MPP2: variants seen among roughly 807,000 people sequenced by gnomAD.
MPP2 encodes MAGUK p55 subfamily member 2.
In MPP2, 42 loss-of-function variants were observed where a neutral mutation model predicts 58.5. That is an observed-to-expected ratio of 0.72 (90% CI 0.56 to 0.93). The LOEUF (loss-of-function observed/expected upper bound fraction) is 0.93, where lower values mean the gene tolerates loss of function less well. Ranked by LOEUF, MPP2 falls within the 40% of genes least tolerant of loss-of-function variation. MPP2 has a pLI of 0.00. For missense variants in MPP2, 632 were observed against 760.4 expected, an observed-to-expected ratio of 0.83 and a Z score of 1.99; for synonymous variants, 300 against 307.8, an observed-to-expected ratio of 0.97 and a Z score of 0.26.
At chr17:43,884,373 T>C (rs2047276129) in intron 3 of MPP2, among the ~76,000 whole-genome samples, 1 of 152,190 alleles carries the variant, frequency 6.6e-6, no homozygotes, top group African/African-American at 2.4e-5. Flanking sequence ...ATTTGTTGTT[T>C]TGTTTTTTTT....
At chr17:43,897,223 T>G (rs2047881912) in intron 3 of MPP2, among the ~76,000 whole-genome samples, 1 of 152,222 alleles carries the variant, frequency 6.6e-6, no homozygotes, top group East Asian at 1.9e-4. Flanking sequence ...GGCTCATGCC[T>G]GTAATCCCAG....
intron 1 of MPP2, chr17:43,907,261 A>G: frequency 4.1e-6 from 4 of 985,026 alleles, no homozygotes; most frequent in Non-Finnish European, 4.8e-6. Flanking sequence ...GGCGGGGACC[A>G]GTGTCAATGG....
intron 1 of MPP2, 64 bp from the exon 2 acceptor site, chr17:43,904,557 A>G: frequency 6.9e-7 from 1 of 1,451,492 alleles, no homozygotes; most frequent in South Asian, 1.2e-5. Context: ...GGGAATAGGA[A>G]GAGCCTCCCC....
At chr17:43,886,734 G>C (rs574010108) in intron 3 of MPP2, among the ~76,000 whole-genome samples, 1 of 152,108 alleles carries the variant, frequency 6.6e-6, no homozygotes, top group Non-Finnish European at 1.5e-5. Context: ...CCAGAGTGTT[G>C]ATCAAACATT....
At chr17:43,897,830 ATC>A (rs1228875571) in intron 3 of MPP2, among the ~76,000 whole-genome samples, 3 of 152,308 alleles carry the variant, frequency 2.0e-5, no homozygotes, top group South Asian at 4.1e-4. Flanking sequence ...TGCATAGTGT[ATC>A]CACCTCTATC....
intron 3 of MPP2, among the ~76,000 whole-genome samples, chr17:43,894,115 A>C (rs2047719319): frequency 6.6e-6 from 1 of 151,152 alleles, no homozygotes; most frequent in Non-Finnish European, 1.5e-5. Flanking sequence ...TCTACTAAAA[A>C]AAAAAAAAAA....
At chr17:43,906,154 A>G (rs2048278686) in intron 1 of MPP2, 1 of 983,746 alleles carries the variant, frequency 1.0e-6, no homozygotes, top group Non-Finnish European at 1.2e-6. Flanking sequence ...CTCCTTCCCT[A>G]GAGCGTGGAG....
intron 2 of MPP2, chr17:43,900,445 C>T: frequency 6.5e-7 from 1 of 1,544,442 alleles, no homozygotes; most frequent in Non-Finnish European, 8.8e-7. Flanking sequence ...AGCTGCCCCG[C>T]CCCCATCTGG....
intron 4 of MPP2, 68 bp downstream of exon 4, chr17:43,883,135 A>C: frequency 1.3e-6 from 2 of 1,555,410 alleles, no homozygotes; most frequent in African/African-American, 2.7e-5. Context: ...CTGCTGGCCC[A>C]TCCAACAGCA....
In MPP2 at chr17:43,898,388, A is replaced by G. The variant is rs753491805; in HGVS notation, c.32-8T>C. Reference sequence around the variant, plus strand: ...CCAGGACTTGCTGCATGGCTGGGGGAAGGTACGGGCAGTGAGATACACAGG... The same window carrying G: ...CCAGGACTTGCTGCATGGCTGGGGGGAGGTACGGGCAGTGAGATACACAGG... On this transcript the variant is annotated splice_region_variant and splice_polypyrimidine_tract_variant and intron_variant, in intron 2 of 12. Transcript: ENST00000269095. The G allele has an allele frequency of 1.2e-6, 2 of 1,606,526 alleles. No individual in the cohort carries two copies. The highest frequency in any genetic ancestry group is 1.7e-6 in the Non-Finnish European group (2 of 1,173,384).
At position 43,880,628 on chromosome 17, in the gene MPP2, G is replaced by C. The variant is rs1365491604; in HGVS notation, c.1150+63C>G. 6.5e-7 allele frequency: 1 copy of C among 1,530,248 alleles called. No homozygotes were observed. Among genetic ancestry groups the C allele is most frequent in the African/African-American group, 1.4e-5 (1 of 72,752 alleles). The allele number at this position is 1,530,248 out of a possible 1,614,324, so 94.8% of individuals were successfully genotyped here. ...TGAAGATGCCCATTCGGTGGGCCCA[G>C]CCCTGGCCCCAGGGGAGCCCTGCTC... is the stretch of plus-strand genomic sequence containing the variant. On this transcript the variant is annotated intron_variant, in intron 10 of 12. Coordinates refer to ENST00000269095, the MANE Select transcript of MPP2 (RefSeq NM_005374.5). The surrounding 1 kb of genome is among the most constrained non-coding windows in gnomAD (Gnocchi z 5.2).
intron 2 of MPP2, chr17:43,900,715 G>T: frequency 1.5e-6 from 2 of 1,301,366 alleles, no homozygotes; most frequent in Non-Finnish European, 2.0e-6. Flanking sequence ...TTGCTGATTG[G>T]CTAAAGCCCT....
chr17:43,899,082 C>T (rs2143748966), intron 2 of MPP2, among the ~76,000 whole-genome samples: 1 of 152,086 alleles, frequency 6.6e-6, no homozygotes, highest in Admixed American at 6.5e-5. Context: ...CCTGTCTCTA[C>T]TAAAAATACA....
At position 43,881,540 on chromosome 17, in the gene MPP2, A is replaced by ATG. The variant is rs777387671; in HGVS notation, c.729_730dup (p.Ile244ThrfsTer20). On this transcript the variant is annotated frameshift_variant, in exon 7 of 13. Coordinates refer to ENST00000269095, the MANE Select transcript of MPP2 (RefSeq NM_005374.5). LOFTEE classifies it high-confidence loss of function. ...GCGCAGGCCTGCTTCCTTGCAGGGG[A>ATG]TGAGGCTGTCTCGGGCCGGGTCATA... The ATG allele has an allele frequency of 6.2e-7, 1 of 1,613,934 alleles. No homozygotes were observed. The highest frequency in any genetic ancestry group is 8.5e-7 in the Non-Finnish European group (1 of 1,179,932).
chr17:43,906,462 AC>A (rs1276159441), intron 1 of MPP2, among the ~76,000 whole-genome samples: 2 of 152,226 alleles, frequency 1.3e-5, no homozygotes, highest in African/African-American at 4.8e-5. Context: ...CGAGATATCC[AC>A]ATCACCCATA....
chr17:43,906,835 A>AC (rs1054023279), intron 1 of MPP2, among the ~76,000 whole-genome samples: 8 of 146,256 alleles, frequency 5.5e-5, no homozygotes, highest in African/African-American at 1.8e-4. Flanking sequence ...GCCCCGGCCA[A>AC]CCCCCACCCC....
chr17:43,885,533 C>T (rs1466382144), intron 3 of MPP2, among the ~76,000 whole-genome samples: 1 of 152,140 alleles, frequency 6.6e-6, no homozygotes, highest in African/African-American at 2.4e-5. Context: ...ACTAATGGCT[C>T]CAAATAAAAT....
At chr17:43,904,310 G>T in intron 2 of MPP2, 120 bp downstream of exon 2, 1 of 851,254 alleles carries the variant, frequency 1.2e-6, no homozygotes. Context: ...TGAGTGGTAG[G>T]GTGGACAGCA....
intron 3 of MPP2, among the ~76,000 whole-genome samples, chr17:43,898,005 G>A (rs1033613721): frequency 2.0e-4 from 31 of 152,296 alleles, no homozygotes; most frequent in African/African-American, 7.0e-4. Context: ...ATGCTAGCCC[G>A]CACCAATCAC....
Sources: gnomAD v4.1 joint callset for allele counts (sites outside exome capture counted in the v4.1 genomes callset) on GRCh38, gnomAD v4.1.1 for gene constraint, Gnocchi (gnomAD v3.1) non-coding constraint, MANE v1.5 for transcripts, NCBI Gene and HGNC (gene_info 2026-07-23, HGNC 2026-07-21) for gene names.